TENM3: variants seen among roughly 807,000 people sequenced by gnomAD.
TENM3 encodes teneurin transmembrane protein 3.
In TENM3, 63 loss-of-function variants were observed where a neutral mutation model predicts 255.1. The ratio of observed to expected loss-of-function variants is 0.25; its 90% CI spans 0.20 to 0.30. The LOEUF (loss-of-function observed/expected upper bound fraction) is 0.30. TENM3 is among the 10% of genes least tolerant of loss of function. The pLI is 1.00. For missense variants in TENM3, 2,929 were observed against 3,461.1 expected (o/e 0.85, Z 3.86); for synonymous variants, 1,306 against 1,322.3 (o/e 0.99, Z 0.27).
At chr4:181,478,356 G>A in the TENM3 span, among the ~76,000 whole-genome samples, 818 of 152,202 alleles carry the variant, frequency 5.4e-3, 8 homozygotes, top group African/African-American at 0.019. Flanking sequence ...CATTAAAATG[G>A]CATCTTTAAG....
At chr4:181,528,016 G>T in the TENM3 span, among the ~76,000 whole-genome samples, 16 of 151,774 alleles carry the variant, frequency 1.1e-4, no homozygotes, top group Admixed American at 2.6e-4. Flanking sequence ...TTTTTAAAAG[G>T]GGGGGTTAAA....
At chr4:182,620,444 C>A (rs565607272) in intron 4 of TENM3, among the ~76,000 whole-genome samples, 35 of 152,212 alleles carry the variant, frequency 2.3e-4, no homozygotes, top group African/African-American at 7.7e-4. Flanking sequence ...TTTCTGAACC[C>A]CAAAACTAAC....
chr4:182,157,012 T>A (rs1750752004), intron 1 of TENM3, among the ~76,000 whole-genome samples: 2 of 152,138 alleles, frequency 1.3e-5, no homozygotes, highest in African/African-American at 4.8e-5. Context: ...TTTGGTCAGA[T>A]CGTATGTAAA....
rs576875574 is a variant in TENM3 at position 182,566,555 on chromosome 4, G to A, written c.512-34369G>A. Among the ~76,000 whole-genome samples the A allele has an allele frequency of 3.9e-5, 6 of 152,308 alleles. 1 individual carries two copies. In the South Asian group the frequency reaches 1.0e-3, roughly 26 times the overall value. ...CTGCTTCCAAATAGATCACAATACT[G>A]AATTATGCCAGTGTTGTGTTTATTG... On this transcript the variant is annotated intron_variant, in intron 3 of 27. Coordinates refer to ENST00000511685, the MANE Select transcript of TENM3 (RefSeq NM_001080477.4).
intron 3 of TENM3, among the ~76,000 whole-genome samples, chr4:182,475,313 A>G (rs2151478567): frequency 6.6e-6 from 1 of 152,320 alleles, no homozygotes; most frequent in Admixed American, 6.5e-5. Flanking sequence ...AAAATATATC[A>G]GTGATTATCA....
At chr4:181,717,957 C>G in the TENM3 span, among the ~76,000 whole-genome samples, 1 of 152,146 alleles carries the variant, frequency 6.6e-6, no homozygotes, top group Non-Finnish European at 1.5e-5. Flanking sequence ...GTGTTCTCTT[C>G]TTATAGCAGA....
At chr4:182,314,865 C>A (rs1463598172) in intron 1 of TENM3, among the ~76,000 whole-genome samples, 1 of 152,122 alleles carries the variant, frequency 6.6e-6, no homozygotes, top group Non-Finnish European at 1.5e-5. Context: ...TTACTACCTT[C>A]TTTTGATTAG....
At chr4:182,760,326 T>C (rs75221478) in intron 22 of TENM3, among the ~76,000 whole-genome samples, 7,128 of 152,290 alleles carry the variant, frequency 0.047, 339 homozygotes, top group Admixed American at 0.13. Flanking sequence ...CCGCGGTTCT[T>C]ACACTCGAAT....
At chr4:181,562,517 C>T in the TENM3 span, among the ~76,000 whole-genome samples, 1 of 152,130 alleles carries the variant, frequency 6.6e-6, no homozygotes, top group Non-Finnish European at 1.5e-5. Context: ...TATATGTAGT[C>T]TTCCAGGGAC....
the TENM3 span, among the ~76,000 whole-genome samples, chr4:181,771,410 A>G: frequency 1.3e-5 from 2 of 152,232 alleles, no homozygotes; most frequent in Non-Finnish European, 2.9e-5. Flanking sequence ...CCTCTAGACC[A>G]GTGGCTGCCA....
chr4:182,417,880 T>C (rs1770505816), intron 3 of TENM3, among the ~76,000 whole-genome samples: 1 of 152,228 alleles, frequency 6.6e-6, no homozygotes, highest in Non-Finnish European at 1.5e-5. Flanking sequence ...TGTTTCATGA[T>C]TTACCTAAAT....
rs1554028110 is a variant in TENM3, at chr4:182,186,791, A to ATATG, written c.-76+42040_-76+42041insGTAT. Among the ~76,000 whole-genome samples the ATATG allele has an allele frequency of 3.5e-5, 3 of 84,700 alleles. No individual in the cohort carries two copies. In the East Asian group the frequency reaches 1.2e-3, roughly 35 times the overall value. The allele number at this position is 84,700 out of a possible 152,430, so 55.6% of individuals were successfully genotyped here. ...TATATATATATATATATATATATAT[A>ATATG]TATATATATATATATATATATATGG... On this transcript the variant is annotated intron_variant, in intron 1 of 2. Coordinates refer to the TENM3 transcript ENST00000512480.
the TENM3 span, among the ~76,000 whole-genome samples, chr4:181,485,369 G>A: frequency 6.6e-5 from 10 of 151,958 alleles, no homozygotes; most frequent in Admixed American, 2.0e-4. Context: ...AAATAGTAAC[G>A]TTTCTATATA....
the TENM3 span, among the ~76,000 whole-genome samples, chr4:181,937,420 G>A: frequency 6.6e-6 from 1 of 152,360 alleles, no homozygotes; most frequent in Non-Finnish European, 1.5e-5. Flanking sequence ...AGCGAGGGAA[G>A]AAGAGGGGCA....
chr4:181,715,052 A>G, the TENM3 span, among the ~76,000 whole-genome samples: 1 of 152,212 alleles, frequency 6.6e-6, no homozygotes. Flanking sequence ...AAAAGAACTG[A>G]GGGTTACCAA....
intron 3 of TENM3, among the ~76,000 whole-genome samples, chr4:182,449,550 C>G (rs1431167748): frequency 1.3e-5 from 2 of 152,116 alleles, no homozygotes; most frequent in South Asian, 2.1e-4. Context: ...TTTACGAATT[C>G]GTTGGGAGCT....
At chr4:182,209,054 C>A (rs563946025) in intron 1 of TENM3, among the ~76,000 whole-genome samples, 1 of 151,724 alleles carries the variant, frequency 6.6e-6, no homozygotes, top group East Asian at 1.9e-4. Flanking sequence ...CTGCAACCTC[C>A]GCCTCTGCGT....
At chr4:181,631,367 G>A in the TENM3 span, among the ~76,000 whole-genome samples, 1 of 151,742 alleles carries the variant, frequency 6.6e-6, no homozygotes, top group East Asian at 1.9e-4. Flanking sequence ...TTGGCTCACC[G>A]TAACCTCCGC....
chr4:181,628,168 A>G, the TENM3 span, among the ~76,000 whole-genome samples: 1 of 152,074 alleles, frequency 6.6e-6, no homozygotes, highest in African/African-American at 2.4e-5. Context: ...TCCTTGGCCC[A>G]CTTTTTGATG....
Sources: gnomAD v4.1 joint callset for allele counts (sites outside exome capture counted in the v4.1 genomes callset) on GRCh38, gnomAD v4.1.1 for gene constraint, MANE v1.5 for transcripts, NCBI Gene and HGNC (gene_info 2026-07-23, HGNC 2026-07-21) for gene names.